CARMIL1: variants seen among roughly 807,000 people sequenced by gnomAD.
CARMIL1 encodes F-actin-uncapping protein LRRC16A.
A neutral mutation model predicts 177.1 loss-of-function variants in CARMIL1; 90 were observed. That is an observed-to-expected ratio of 0.51 (90% confidence interval 0.43 to 0.61). The LOEUF is 0.61. Among genes scored for constraint, CARMIL1 ranks in the 20% least tolerant of loss-of-function variants. The pLI is 0.00. For synonymous variants in CARMIL1, 577 were observed against 606.2 expected, an observed-to-expected ratio of 0.95 and a Z score of 0.71; for missense variants, 1,380 against 1,667.0, an observed-to-expected ratio of 0.83 and a Z score of 3.00.
chr6:25,531,739 A>G (rs941473248), intron 24 of CARMIL1, among the ~76,000 whole-genome samples: 1 of 152,232 alleles, frequency 6.6e-6, no homozygotes, highest in African/African-American at 2.4e-5. Context: ...ATGAAATGCA[A>G]TGAAAGTTAC....
chr6:25,444,944 G>A (rs1252591533), intron 5 of CARMIL1, among the ~76,000 whole-genome samples: 3 of 152,084 alleles, frequency 2.0e-5, no homozygotes, highest in African/African-American at 4.8e-5. Context: ...TTGAGGAATC[G>A]CCACACTGTC....
intron 2 of CARMIL1, among the ~76,000 whole-genome samples, chr6:25,309,354 CAAAAAAAAA>C (rs70975001): frequency 1.2e-5 from 1 of 85,688 alleles, no homozygotes; most frequent in Non-Finnish European, 2.3e-5. Flanking sequence ...GAGTCCCTCT[CAAAAAAAAA>C]AAAAAAAAAA....
At chr6:25,459,947 A>G (rs1478149419) in intron 8 of CARMIL1, among the ~76,000 whole-genome samples, 2 of 152,220 alleles carry the variant, frequency 1.3e-5, no homozygotes, top group African/African-American at 4.8e-5. Context: ...TAGGATGTCA[A>G]AGCAAAACAC....
intron 2 of CARMIL1, among the ~76,000 whole-genome samples, chr6:25,309,930 C>T (rs570362111): frequency 5.9e-5 from 9 of 151,946 alleles, no homozygotes; most frequent in South Asian, 2.1e-4. Flanking sequence ...CCACCGCACC[C>T]GGCTAATTTT....
At chr6:25,451,902 A>G in intron 8 of CARMIL1, 1 of 575,680 alleles carries the variant, frequency 1.7e-6, no homozygotes. Context: ...CTGGGATTCC[A>G]GCTATATCAT....
At chr6:25,288,768 G>A (rs1291774912) in intron 2 of CARMIL1, among the ~76,000 whole-genome samples, 1 of 152,166 alleles carries the variant, frequency 6.6e-6, no homozygotes, top group East Asian at 1.9e-4. Flanking sequence ...TTCACAGTTT[G>A]TGGCACCTTA....
chr6:25,440,551 T>G (rs1056350052), intron 5 of CARMIL1, among the ~76,000 whole-genome samples: 1 of 152,152 alleles, frequency 6.6e-6, no homozygotes, highest in Non-Finnish European at 1.5e-5. Flanking sequence ...CATTATATGA[T>G]TTTGGGAGGG....
intron 36 of CARMIL1, chr6:25,612,881 C>T (rs2151339732): frequency 1.0e-6 from 1 of 985,362 alleles, no homozygotes; most frequent in African/African-American, 1.7e-5. Flanking sequence ...TCACAGCCAA[C>T]AAATGGTTAG....
chr6:25,478,086 T>C (rs898049986), intron 11 of CARMIL1, among the ~76,000 whole-genome samples: 17 of 152,144 alleles, frequency 1.1e-4, no homozygotes, highest in African/African-American at 4.1e-4. Context: ...CCACTCACTC[T>C]ATTCAAAATT....
At chr6:25,491,688 TG>T (rs1350010530) in intron 13 of CARMIL1, 43 bp from the exon 14 acceptor site, 1 of 1,254,662 alleles carries the variant, frequency 8.0e-7, no homozygotes, top group East Asian at 2.5e-5. Flanking sequence ...TGTGTATGTG[TG>T]TGTTTCTAGA....
intron 3 of CARMIL1, among the ~76,000 whole-genome samples, chr6:25,425,297 C>T (rs530539674): frequency 5.3e-5 from 8 of 152,186 alleles, no homozygotes; most frequent in South Asian, 2.1e-4. Context: ...CAGTATACTT[C>T]ATGTTGTTTA....
In CARMIL1 at chr6:25,509,297, T is replaced by C. The variant is rs1327244571; in HGVS notation, c.1396-359T>C. 6.6e-6 allele frequency among the ~76,000 whole-genome samples: 1 copy of C among 152,184 alleles called. No individual in the cohort carries two copies. The highest frequency in any genetic ancestry group is 1.5e-5 in the Non-Finnish European group (1 of 68,008). The stretch of plus-strand genomic sequence containing the variant: ...ACAGTCAAATAAAACAGTAACTTTC[T>C]CATGTATAAAATGAATTTATTAAAT... On this transcript the variant is annotated intron_variant, in intron 17 of 36. Coordinates refer to ENST00000329474, the MANE Select transcript of CARMIL1 (RefSeq NM_017640.6). This position sits in a 1 kb window ranked among gnomAD's most constrained non-coding sequence, Gnocchi z 4.1.
chr6:25,441,337 A>ATGTGTG lies in CARMIL1; in HGVS notation c.371+5763_371+5768dup, dbSNP rs1554196401. Reference sequence around the variant, plus strand: ...CAAACAAACATATATATATATATATATGTGTGTGTGTGTGTGTGTGTGTGT... The same window carrying ATGTGTG: ...CAAACAAACATATATATATATATATATGTGTGTGTGTGTGTGTGTGTGTGTGTGTGT... On this transcript the variant is annotated intron_variant, in intron 5 of 36. Coordinates refer to ENST00000329474, the MANE Select transcript of CARMIL1 (RefSeq NM_017640.6). Among the ~76,000 whole-genome samples, 111 of 94,480 alleles carry ATGTGTG rather than the reference A, an allele frequency of 1.2e-3. 1 individual carries two copies. Among genetic ancestry groups the ATGTGTG allele is most frequent in the South Asian group, 0.01 (25 of 2,422 alleles). The allele number at this position is 94,480 out of a possible 152,430, so 62.0% of individuals were successfully genotyped here. A position where few individuals can be genotyped will look rare whatever the true frequency, so the allele number is the denominator to read the frequency against.
intron 35 of CARMIL1, among the ~76,000 whole-genome samples, chr6:25,607,089 A>G (rs1432010099): frequency 1.3e-5 from 2 of 151,930 alleles, no homozygotes; most frequent in African/African-American, 2.4e-5. Context: ...TTAGGCTGTG[A>G]TCACACTGTG....
intron 26 of CARMIL1, among the ~76,000 whole-genome samples, chr6:25,540,367 G>C (rs761192111): frequency 1.3e-5 from 2 of 152,072 alleles, no homozygotes; most frequent in Non-Finnish European, 2.9e-5. Flanking sequence ...GTGTGCTTCT[G>C]GAAAAAATAC....
chr6:25,453,049 T>C (rs1029703238), intron 8 of CARMIL1, among the ~76,000 whole-genome samples: 7 of 152,194 alleles, frequency 4.6e-5, no homozygotes, highest in Admixed American at 2.0e-4. Flanking sequence ...TTAGAAAATA[T>C]TGGTTCATTG....
chr6:25,450,384 T>G lies in CARMIL1; in HGVS notation c.515T>G (p.Phe172Cys). ...GCCTGTGTTTGTGACTGGCTTGGAT[T>G]TTCATACAGGGAAGAAGTACAATGG... Reference protein sequence around the residue: ...MYACVCDWLGFSYREEVQWDV... With the variant: ...MYACVCDWLGCSYREEVQWDV... Residue 172 changes from phenylalanine (F) to cysteine (C), a missense_variant, in exon 7 of 37, where the codon TTT becomes TGT. Transcript: ENST00000329474. 6.2e-7 allele frequency: 1 copy of G among 1,613,740 alleles called. No individual in the cohort carries two copies. Among genetic ancestry groups the G allele is most frequent in the Non-Finnish European group, 8.5e-7 (1 of 1,179,682 alleles).
At chr6:25,380,766 C>T (rs746673716) in intron 2 of CARMIL1, among the ~76,000 whole-genome samples, 19 of 152,074 alleles carry the variant, frequency 1.2e-4, no homozygotes, top group Non-Finnish European at 2.5e-4. Context: ...CTGTGTAGGT[C>T]ATTGGAAATT....
At chr6:25,387,351 T>C (rs949344355) in intron 2 of CARMIL1, among the ~76,000 whole-genome samples, 1 of 152,170 alleles carries the variant, frequency 6.6e-6, no homozygotes, top group Non-Finnish European at 1.5e-5. Flanking sequence ...CCCCAGATAA[T>C]AGGCTGAAGA....
Sources: gnomAD v4.1 joint callset for allele counts (sites outside exome capture counted in the v4.1 genomes callset) on GRCh38, gnomAD v4.1.1 for gene constraint, Gnocchi (gnomAD v3.1) non-coding constraint, MANE v1.5 for transcripts, NCBI Gene and HGNC (gene_info 2026-07-23, HGNC 2026-07-21) for gene names.